The following SKOR2 variants were observed in gnomAD, a reference collection of about 807,000 sequenced individuals.
The protein encoded by SKOR2 is LBX1 corepressor 1-like protein.
SKOR2 carries 47 observed loss-of-function variants against 69.1 expected under a neutral mutation model. The observed-to-expected ratio is 0.68, with a 90% CI of 0.54 to 0.87. The LOEUF (loss-of-function observed/expected upper bound fraction) is 0.87, where lower values mean the gene tolerates loss of function less well. SKOR2 is among the 40% of genes least tolerant of loss of function. The probability of loss-of-function intolerance (pLI) is 0.00; values close to 1 mark genes in which losing one functional copy is unlikely to be tolerated. For missense variants in SKOR2, 1,404 were observed against 1,472.2 expected (o/e 0.95, Z 0.76); for synonymous variants, 717 against 672.6 (o/e 1.07, Z -1.02).
chr18:47,247,524 G>C lies in SKOR2; in HGVS notation c.1660C>G (p.Arg554Gly). 8.2e-7 allele frequency: 1 copy of C among 1,213,552 alleles called. No individual in the cohort carries two copies. Among genetic ancestry groups the C allele is most frequent in the African/African-American group, 1.6e-5 (1 of 63,322 alleles). The allele number at this position is 1,213,552 out of a possible 1,614,324, so 75.2% of individuals were successfully genotyped here. A position where few individuals can be genotyped will look rare whatever the true frequency, so the allele number is the denominator to read the frequency against. The change falls in exon 2 of 9, where the codon CGC becomes GGC. Residue 554 changes from arginine (R) to glycine (G), a missense_variant. This residue lies in a region of SKOR2 where 1,266 missense variants were observed against 1,309.9 expected (regional missense o/e 0.97). Coordinates refer to ENST00000425639, the MANE Select transcript of SKOR2 (RefSeq NM_001278063.4). The surrounding 1 kb of genome is among the most constrained non-coding windows in gnomAD (Gnocchi z 6.6). The part of the protein sequence containing the change: ...PPPPAGGAGS[R>G]DALFESPPGG... ...GGGGGCGACTCGAAGAGCGCGTCGCGAGAGCCGGCGCCCCCGGCAGGAGGA... is the reference window on the plus strand; with the variant it reads ...GGGGGCGACTCGAAGAGCGCGTCGCCAGAGCCGGCGCCCCCGGCAGGAGGA...
At chr18:47,219,310 A>G (rs2064153791) in intron 7 of SKOR2, among the ~76,000 whole-genome samples, 2 of 152,216 alleles carry the variant, frequency 1.3e-5, no homozygotes, top group African/African-American at 4.8e-5. Context: ...TACTAGATGT[A>G]TCTACATGGG....
intron 8 of SKOR2, among the ~76,000 whole-genome samples, chr18:47,211,687 T>G (rs2064128320): frequency 6.6e-6 from 1 of 152,180 alleles, no homozygotes; most frequent in African/African-American, 2.4e-5. Context: ...AGTAACTCTC[T>G]GAAAGTCAGA....
chr18:47,235,802 C>CAAAAAAAAAA (rs2064220557), intron 4 of SKOR2, among the ~76,000 whole-genome samples: 1 of 109,624 alleles, frequency 9.1e-6, no homozygotes, highest in African/African-American at 4.1e-5. Context: ...AAAAAAAAAA[C>CAAAAAAAAAA]AGCCAACAGA....
In SKOR2 at chr18:47,248,560, C is replaced by A; in HGVS notation, c.624G>T (p.Ser208=). The part of the protein sequence containing the change: ...YTQPDAANFN[S]WRRHLKLTDK... Reference sequence around the variant, plus strand: ...CGGTGAGCTTGAGATGACGGCGCCACGAGTTGAAGTTGGCTGCGTCTGGCT... The same window carrying A: ...CGGTGAGCTTGAGATGACGGCGCCAAGAGTTGAAGTTGGCTGCGTCTGGCT... The change falls in exon 2 of 9, where the codon TCG becomes TCT. Residue 208 remains serine (S), a synonymous_variant. Coordinates refer to ENST00000425639, the MANE Select transcript of SKOR2 (RefSeq NM_001278063.4). This position sits in a 1 kb window ranked among gnomAD's most constrained non-coding sequence, Gnocchi z 6.4. 1 of 1,537,774 alleles carries A rather than the reference C, an allele frequency of 6.5e-7. No individual in the cohort carries two copies. Among genetic ancestry groups the A allele is most frequent in the South Asian group, 1.2e-5 (1 of 84,128 alleles).
rs543669647 is a variant in SKOR2, at chr18:47,223,932, G to A, written c.2918-3922C>T. On this transcript the variant is annotated intron_variant, in intron 6 of 8. Coordinates refer to ENST00000425639, the MANE Select transcript of SKOR2 (RefSeq NM_001278063.4). ...TTTTTTTTTTTAAATTTGAGGCAGAGTCTCACTCTGTCGCCCAGGCTGGAG... is the reference window on the plus strand; with the variant it reads ...TTTTTTTTTTTAAATTTGAGGCAGAATCTCACTCTGTCGCCCAGGCTGGAG... Among the ~76,000 whole-genome samples, 194 of 149,916 alleles carry A rather than the reference G, an allele frequency of 1.3e-3. No individual in the cohort carries two copies. In the Middle Eastern group the frequency reaches 0.014, roughly 11 times the overall value.
At chr18:47,242,110 G>A (rs574425056) in intron 4 of SKOR2, among the ~76,000 whole-genome samples, 1 of 152,168 alleles carries the variant, frequency 6.6e-6, no homozygotes, top group South Asian at 2.1e-4. Flanking sequence ...TATCTGCTTG[G>A]CTATCATTCT....
At chr18:47,217,605 T>C (rs1215821516) in intron 7 of SKOR2, among the ~76,000 whole-genome samples, 2 of 152,210 alleles carry the variant, frequency 1.3e-5, no homozygotes, top group African/African-American at 4.8e-5. Context: ...GTATCAGAGC[T>C]GGGTCAGGAT....
intron 6 of SKOR2, 95 bp from the exon 7 acceptor site, chr18:47,220,105 C>T (rs1409866374): frequency 6.1e-6 from 6 of 984,582 alleles, no homozygotes; most frequent in East Asian, 2.7e-5. Context: ...CCATGGACAG[C>T]CCCCCTACTT....
chr18:47,241,385 C>T (rs1370667687), intron 4 of SKOR2, among the ~76,000 whole-genome samples: 1 of 152,116 alleles, frequency 6.6e-6, no homozygotes, highest in Non-Finnish European at 1.5e-5. Context: ...TGACACTTTG[C>T]CAAATAAATG....
rs911770755 is a variant in SKOR2, at chr18:47,248,069, GC to G, written c.1114del (p.Ala372GlnfsTer124). 3.5e-6 allele frequency: 5 copies of G among 1,408,496 alleles called. No individual in the cohort carries two copies. The highest frequency in any genetic ancestry group is 1.5e-5 in the South Asian group (1 of 67,264). The allele number at this position is 1,408,496 out of a possible 1,614,324, so 87.2% of individuals were successfully genotyped here. On this transcript the variant is annotated frameshift_variant, in exon 2 of 9. Coordinates refer to ENST00000425639, the MANE Select transcript of SKOR2 (RefSeq NM_001278063.4). LOFTEE classifies it high-confidence loss of function. This position sits in a 1 kb window ranked among gnomAD's most constrained non-coding sequence, Gnocchi z 6.4. The stretch of plus-strand genomic sequence containing the variant: ...GTAGCTGCGCGGGCCTTTGGCCCCT[GC>G]CCCGGCACCCGCCCCCGCGCCCGCG... ...VGAGAGAGAG[A>X]GAKGPRSYPV...
intron 4 of SKOR2, among the ~76,000 whole-genome samples, chr18:47,244,089 C>A (rs2064260438): frequency 1.3e-5 from 2 of 152,146 alleles, no homozygotes; most frequent in Admixed American, 1.3e-4. Context: ...AAAATAAAAA[C>A]AAAGGTTTGG....
Position 47,249,198 on chromosome 18 carries a change from C to G in SKOR2, c.-15G>C, listed in dbSNP as rs748324639. ...CTGGAAGCCATCTCCGCCGCAGAAC[C>G]CCGGGCCGAGCCCTACAGGTCTGCC... On this transcript the variant is annotated 5_prime_UTR_variant, in exon 2 of 9. Coordinates refer to ENST00000425639, the MANE Select transcript of SKOR2 (RefSeq NM_001278063.4). 3.3e-6 allele frequency: 5 copies of G among 1,531,176 alleles called. No individual in the cohort carries two copies. The highest frequency in any genetic ancestry group is 2.4e-5 in the South Asian group (2 of 83,102). The allele number at this position is 1,531,176 out of a possible 1,614,324, so 94.8% of individuals were successfully genotyped here. A position where few individuals can be genotyped will look rare whatever the true frequency, so the allele number is the denominator to read the frequency against.
At chr18:47,241,343 C>T (rs1014329810) in intron 4 of SKOR2, among the ~76,000 whole-genome samples, 5 of 152,148 alleles carry the variant, frequency 3.3e-5, no homozygotes, top group African/African-American at 9.7e-5. Context: ...TAATCACAAG[C>T]GCTCATAATC....
In SKOR2 at chr18:47,236,242, C is replaced by T. The variant is rs552040967; in HGVS notation, c.2753-5242G>A. On this transcript the variant is annotated intron_variant, in intron 4 of 8. Coordinates refer to ENST00000425639, the MANE Select transcript of SKOR2 (RefSeq NM_001278063.4). ...CTGAGCTCATGTGATCCATCCATCT[C>T]GCCCTCGCAAAATGCTGGAATTATA... Among the ~76,000 whole-genome samples the T allele has an allele frequency of 1.7e-4, 26 of 152,274 alleles. No individual in the cohort carries two copies. The East Asian group carries it at 4.5e-3, about 26-fold the overall frequency.
chr18:47,230,761 T>C (rs2064194600), intron 5 of SKOR2, among the ~76,000 whole-genome samples, 174 bp downstream of exon 5: 1 of 152,252 alleles, frequency 6.6e-6, no homozygotes, highest in Admixed American at 6.5e-5. Flanking sequence ...TACAGTGTCA[T>C]GTATTGATTG....
chr18:47,249,890 G>A (rs2064305344), intron 1 of SKOR2, among the ~76,000 whole-genome samples: 1 of 152,122 alleles, frequency 6.6e-6, no homozygotes, highest in Admixed American at 6.5e-5. Context: ...CATATACACC[G>A]TTGCACCAAA....
Position 47,249,671 on chromosome 18 carries a change from T to G in SKOR2, c.-47-441A>C, listed in dbSNP as rs1341018265. 4.6e-5 allele frequency among the ~76,000 whole-genome samples: 7 copies of G among 152,328 alleles called. No individual in the cohort carries two copies. In the East Asian group the frequency reaches 1.4e-3, roughly 29 times the overall value. On this transcript the variant is annotated intron_variant, in intron 1 of 8. Coordinates refer to ENST00000425639, the MANE Select transcript of SKOR2 (RefSeq NM_001278063.4). ...GCTGTCATTCTCATTTGCTTGGAGA[T>G]AGATTGATTTTGGTTAAAAAGTAAC...
intron 4 of SKOR2, among the ~76,000 whole-genome samples, chr18:47,242,163 A>G (rs1199112334): frequency 1.3e-5 from 2 of 152,178 alleles, no homozygotes; most frequent in Non-Finnish European, 2.9e-5. Context: ...GTCAATAAGC[A>G]TGGGGAAAAC....
chr18:47,245,479 T>TTTTTTTTTTTTC lies in SKOR2; in HGVS notation c.2677+18_2677+19insGAAAAAAAAAAA. On this transcript the variant is annotated intron_variant, in intron 3 of 8. Transcript: ENST00000425639. ...TGCAGGCAAGAAAAGTGGCAGCTGA[T>TTTTTTTTTTTTC]TTTTTTTTTTTTTTTTACCTGAAAA... is the stretch of plus-strand genomic sequence containing the variant. 4.4e-6 allele frequency: 2 copies of TTTTTTTTTTTTC among 449,720 alleles called. No individual in the cohort carries two copies. Among genetic ancestry groups the TTTTTTTTTTTTC allele is most frequent in the African/African-American group, 9.0e-5 (2 of 22,262 alleles). 27.9% of individuals were successfully genotyped at this position (449,720 alleles called of 1,614,324 possible). A position where few individuals can be genotyped will look rare whatever the true frequency, so the allele number is the denominator to read the frequency against.
Sources: gnomAD v4.1 joint callset for allele counts (sites outside exome capture counted in the v4.1 genomes callset) on GRCh38, gnomAD v4.1.1 for gene constraint, gnomAD v4.1.1 regional missense constraint, Gnocchi (gnomAD v3.1) non-coding constraint, MANE v1.5 for transcripts, NCBI Gene and HGNC (gene_info 2026-07-23, HGNC 2026-07-21) for gene names.